NUDT3: variants seen among roughly 807,000 people sequenced by gnomAD.
NUDT3 encodes diphosphoinositol polyphosphate phosphohydrolase 1.
Under a neutral mutation model 23.6 loss-of-function variants are expected in NUDT3, and 9 were observed. The ratio of observed to expected loss-of-function variants is 0.38; its 90% CI spans 0.23 to 0.66. The LOEUF is 0.66. NUDT3 is among the 30% of genes least tolerant of loss of function. The pLI is 0.52. For missense variants in NUDT3, 172 were observed against 218.5 expected (o/e 0.79, Z 1.34); for synonymous variants, 86 against 82.6 (o/e 1.04, Z -0.22).
At chr6:34,386,910 T>G (rs1171294242) in intron 1 of NUDT3, among the ~76,000 whole-genome samples, 1 of 152,082 alleles carries the variant, frequency 6.6e-6, no homozygotes, top group African/African-American at 2.4e-5. Flanking sequence ...GTCCAGGAGT[T>G]CAAGACCAGC....
chr6:34,392,373 C>CG lies in NUDT3; in HGVS notation c.-12dup. ...CTTGAGCTTCATCATCCTCCGGGCC[C>CG]GGGTGGGGGTGCGGTGCGGGTCGCA... On this transcript the variant is annotated 5_prime_UTR_variant, in exon 1 of 5. Transcript: ENST00000607016. The CG allele has an allele frequency of 2.5e-6, 4 of 1,595,244 alleles. No homozygotes were observed. Among genetic ancestry groups the CG allele is most frequent in the Non-Finnish European group, 3.4e-6 (4 of 1,173,100 alleles).
intron 1 of NUDT3, among the ~76,000 whole-genome samples, chr6:34,377,050 AGACT>A (rs559869533): frequency 1.1e-4 from 16 of 152,276 alleles, no homozygotes; most frequent in Middle Eastern, 3.4e-3. Context: ...TTAGAGCCCA[AGACT>A]GACTACTTCT....
chr6:34,358,891 A>T (rs1764604017), intron 1 of NUDT3, among the ~76,000 whole-genome samples: 1 of 152,236 alleles, frequency 6.6e-6, no homozygotes, highest in Admixed American at 6.5e-5. Flanking sequence ...TAAGATAGAA[A>T]GATAGTTATT....
At chr6:34,378,875 G>A (rs1346393732) in intron 1 of NUDT3, among the ~76,000 whole-genome samples, 1 of 152,170 alleles carries the variant, frequency 6.6e-6, no homozygotes, top group Non-Finnish European at 1.5e-5. Context: ...CCGCATCCCT[G>A]CACCACAGCC....
intron 1 of NUDT3, among the ~76,000 whole-genome samples, chr6:34,391,933 T>C (rs1581909097): frequency 6.6e-6 from 1 of 152,130 alleles, no homozygotes; most frequent in South Asian, 2.1e-4. Flanking sequence ...GCCGTTGGCC[T>C]GGACCGAAAG....
At chr6:34,350,266 T>C (rs142283380) in intron 1 of NUDT3, among the ~76,000 whole-genome samples, 1 of 150,800 alleles carries the variant, frequency 6.6e-6, no homozygotes, top group East Asian at 1.9e-4. Context: ...CCTTGACATC[T>C]GACAAGCCCC....
At chr6:34,328,805 A>G (rs922187161) in intron 2 of NUDT3, among the ~76,000 whole-genome samples, 2 of 152,250 alleles carry the variant, frequency 1.3e-5, no homozygotes, top group Admixed American at 6.5e-5. Context: ...GATCAAAAGT[A>G]TCCTTAATAT....
intron 1 of NUDT3, among the ~76,000 whole-genome samples, chr6:34,379,353 A>G (rs1764975345): frequency 6.6e-6 from 1 of 151,768 alleles, no homozygotes; most frequent in Admixed American, 6.6e-5. Context: ...TCAGGCCAGG[A>G]GTTTGAAACC....
intron 2 of NUDT3, among the ~76,000 whole-genome samples, chr6:34,304,058 G>A (rs1396573128): frequency 6.6e-6 from 1 of 152,036 alleles, no homozygotes; most frequent in Non-Finnish European, 1.5e-5. Flanking sequence ...TTCGAGAGTA[G>A]CCTGGCCAAC....
At chr6:34,373,624 T>C (rs1468751325) in intron 1 of NUDT3, among the ~76,000 whole-genome samples, 1 of 152,178 alleles carries the variant, frequency 6.6e-6, no homozygotes, top group Non-Finnish European at 1.5e-5. Context: ...CCTTAAAAAG[T>C]ATTTTATGGC....
rs1220930202 is a variant in NUDT3, at chr6:34,291,862, A to G, written c.340+1589T>C. Among the ~76,000 whole-genome samples, 4 of 152,158 alleles carry G rather than the reference A, an allele frequency of 2.6e-5. No homozygotes were observed. The East Asian group carries it at 7.7e-4, about 29-fold the overall frequency. ...AGCTGTATAACATTCCATCGGACACATGTCATTCATTGATTTGTCATTCAT... is the reference window on the plus strand; with the variant it reads ...AGCTGTATAACATTCCATCGGACACGTGTCATTCATTGATTTGTCATTCAT... On this transcript the variant is annotated intron_variant, in intron 4 of 4. Transcript: ENST00000607016.
intron 4 of NUDT3, among the ~76,000 whole-genome samples, chr6:34,291,597 G>C (rs1581846197): frequency 6.6e-6 from 1 of 152,030 alleles, no homozygotes; most frequent in African/African-American, 2.4e-5. Context: ...CCACCTCCTA[G>C]GTTCAAGTTA....
intron 1 of NUDT3, among the ~76,000 whole-genome samples, chr6:34,380,879 A>G (rs543306960): frequency 6.6e-6 from 1 of 152,198 alleles, no homozygotes; most frequent in South Asian, 2.1e-4. Context: ...TTCTTCAACT[A>G]CCCATATTCG....
chr6:34,280,601 G>A lies in NUDT3; in HGVS notation c.*8152C>T, dbSNP rs1316317425. 6.6e-6 allele frequency: 1 copy of A among 152,208 alleles called. No homozygotes were observed. The highest frequency in any genetic ancestry group is 2.4e-5 in the African/African-American group (1 of 41,450). The allele number at this position is 152,208 out of a possible 1,614,324, so 9.4% of individuals were successfully genotyped here. On this transcript the variant is annotated 3_prime_UTR_variant, in exon 5 of 5. Coordinates refer to ENST00000607016, the MANE Select transcript of NUDT3 (RefSeq NM_006703.4). Reference sequence around the variant, plus strand: ...TCTTAAAAAATGACACAGCCTCTTGGTTATTCCATTTTCTATCCCTTTCTA... The same window carrying A: ...TCTTAAAAAATGACACAGCCTCTTGATTATTCCATTTTCTATCCCTTTCTA...
At chr6:34,385,180 G>A (rs1038330519) in intron 1 of NUDT3, among the ~76,000 whole-genome samples, 4 of 152,110 alleles carry the variant, frequency 2.6e-5, no homozygotes, top group Non-Finnish European at 4.4e-5. Context: ...AATCAGGCCA[G>A]ATGTGATGGC....
chr6:34,314,303 A>G (rs1287170592), intron 2 of NUDT3, among the ~76,000 whole-genome samples: 1 of 151,710 alleles, frequency 6.6e-6, no homozygotes, highest in Non-Finnish European at 1.5e-5. Flanking sequence ...CTGTAATCCC[A>G]GCACTTTGGA....
At chr6:34,353,607 T>C (rs1055612062) in intron 1 of NUDT3, among the ~76,000 whole-genome samples, 1 of 152,184 alleles carries the variant, frequency 6.6e-6, no homozygotes, top group African/African-American at 2.4e-5. Context: ...TTTCACCATG[T>C]TGGCCAGGCT....
At chr6:34,363,375 A>C (rs1009877461) in intron 1 of NUDT3, among the ~76,000 whole-genome samples, 1 of 152,210 alleles carries the variant, frequency 6.6e-6, no homozygotes, top group African/African-American at 2.4e-5. Context: ...TGCAAAAGAG[A>C]TTAGCAGAAA....
chr6:34,331,812 T>C (rs1346562235), intron 2 of NUDT3, among the ~76,000 whole-genome samples: 2 of 152,202 alleles, frequency 1.3e-5, no homozygotes, highest in Non-Finnish European at 2.9e-5. Flanking sequence ...AGTTGATCCT[T>C]GAATAATGTT....
Sources: gnomAD v4.1 joint callset for allele counts (sites outside exome capture counted in the v4.1 genomes callset) on GRCh38, gnomAD v4.1.1 for gene constraint, MANE v1.5 for transcripts, NCBI Gene and HGNC (gene_info 2026-07-23, HGNC 2026-07-21) for gene names.